CCP110: variants seen among roughly 807,000 people sequenced by gnomAD.
CCP110 encodes the protein centriolar coiled-coil protein 110, also known as centriolar coiled-coil protein of 110 kDa.
A neutral mutation model predicts 105.5 loss-of-function variants in CCP110; 43 were observed. That is an observed-to-expected ratio of 0.41 (90% confidence interval 0.32 to 0.53). The LOEUF is 0.53. CCP110 is among the 20% of genes least tolerant of loss of function. CCP110 has a pLI of 0.32. For synonymous variants in CCP110, 353 were observed against 392.1 expected (o/e 0.90, Z 1.18); for missense variants, 1,016 against 1,189.1 (o/e 0.85, Z 2.14).
intron 14 of CCP110, among the ~76,000 whole-genome samples, chr16:19,549,995 G>A (rs1970582027): frequency 6.6e-6 from 1 of 152,122 alleles, no homozygotes; most frequent in South Asian, 2.1e-4. Flanking sequence ...GAACTATTGA[G>A]GTTAAATTGC....
In CCP110 at chr16:19,537,483, C is replaced by T. The variant is rs779238031; in HGVS notation, c.1814C>T (p.Thr605Ile). ...AAAGAAAACTGCCCTTATGTCATAA[C>T]AAGTGGAATAACTGAACAAGAAAGG... The change falls in exon 4 of 15, where the codon ACA becomes ATA. Residue 605 changes from threonine (T) to isoleucine (I), a missense_variant. Physicochemically the swap from Thr to Ile is moderately conservative, Grantham distance 89. Coordinates refer to ENST00000381396, the Ensembl canonical transcript of CCP110. 1.9e-6 allele frequency: 3 copies of T among 1,611,470 alleles called. No homozygotes were observed. Among genetic ancestry groups the T allele is most frequent in the Non-Finnish European group, 2.5e-6 (3 of 1,178,104 alleles).
rs772411954 is a variant in CCP110, at chr16:19,548,504, T to C, written c.2901-11T>C. The C allele has an allele frequency of 1.0e-5, 15 of 1,505,292 alleles. No homozygotes were observed. In the South Asian group the frequency reaches 1.8e-4, roughly 18 times the overall value. 93.2% of individuals were successfully genotyped at this position (1,505,292 alleles called of 1,614,324 possible). A position where few individuals can be genotyped will look rare whatever the true frequency, so the allele number is the denominator to read the frequency against. ...TGCCAGTGACTTATTAATTTTTTTA[T>C]ATTCAATTAGAACCCCTAAGACATC... is the stretch of plus-strand genomic sequence containing the variant. On this transcript the variant is annotated splice_polypyrimidine_tract_variant and intron_variant, in intron 13 of 14. Transcript: ENST00000381396. The surrounding 1 kb of genome is among the most constrained non-coding windows in gnomAD (Gnocchi z 4.1).
intron 2 of CCP110, among the ~76,000 whole-genome samples, chr16:19,530,167 A>C (rs1279805629): frequency 6.6e-6 from 1 of 152,118 alleles, no homozygotes; most frequent in Non-Finnish European, 1.5e-5. Context: ...ACTGCACTCC[A>C]ACCTGGGTGA....
Position 19,548,313 on chromosome 16 carries a change from C to T in CCP110, c.2901-202C>T. 1.7e-6 allele frequency: 1 copy of T among 580,466 alleles called. No individual in the cohort carries two copies. Among genetic ancestry groups the T allele is most frequent in the Non-Finnish European group, 3.0e-6 (1 of 330,110 alleles). The allele number at this position is 580,466 out of a possible 1,614,324, so 36.0% of individuals were successfully genotyped here. A position where few individuals can be genotyped will look rare whatever the true frequency, so the allele number is the denominator to read the frequency against. ...TAAATTCAGCATCACCGAAGTGATT[C>T]TCCAACAGAGTATGACTCGTGCTTA... On this transcript the variant is annotated intron_variant, in intron 13 of 14. Transcript: ENST00000381396. This position sits in a 1 kb window ranked among gnomAD's most constrained non-coding sequence, Gnocchi z 4.1.
intron 11 of CCP110, 175 bp from the exon 12 acceptor site, chr16:19,546,237 T>A: frequency 1.9e-6 from 1 of 526,508 alleles, no homozygotes; most frequent in South Asian, 3.1e-5. Flanking sequence ...TCTTAATAAC[T>A]TTTTTAAAAA....
exon 15 of CCP110, chr16:19,552,816 T>C (rs1970684268): frequency 1.3e-5 from 2 of 152,202 alleles, no homozygotes; most frequent in South Asian, 2.1e-4. Flanking sequence ...CATCCAGCTA[T>C]AGACAGAAAT....
chr16:19,536,676 A>G, exon 4 of CCP110: 1 of 1,614,202 alleles, frequency 6.2e-7, no homozygotes, highest in South Asian at 1.1e-5. Flanking sequence ...ACTGTTCTAG[A>G]GTCTAATTCT....
At chr16:19,537,709 T>G (rs1427768400) in intron 4 of CCP110, 122 bp downstream of exon 4, 1 of 590,374 alleles carries the variant, frequency 1.7e-6, no homozygotes, top group Non-Finnish European at 3.0e-6. Context: ...TTATTTATCT[T>G]ATTAGAAAGC....
At chr16:19,542,109 G>A (rs762987969) in intron 6 of CCP110, 45 bp downstream of exon 6, 38 of 1,300,416 alleles carry the variant, frequency 2.9e-5, no homozygotes, top group East Asian at 2.4e-5. Flanking sequence ...GTGATCCTAC[G>A]GTAAGATATT....
At chr16:19,546,009 T>C in intron 11 of CCP110, 119 bp downstream of exon 11, 1 of 624,050 alleles carries the variant, frequency 1.6e-6, no homozygotes, top group Admixed American at 2.8e-5. Context: ...GTTGAGCTGA[T>C]AGAAATCCCC....
At chr16:19,527,347 A>G (rs1969707991) in intron 1 of CCP110, among the ~76,000 whole-genome samples, 1 of 147,538 alleles carries the variant, frequency 6.8e-6, no homozygotes, top group Non-Finnish European at 1.5e-5. Flanking sequence ...TGGGCAACAT[A>G]GTGAGACCTT....
chr16:19,538,151 C>T (rs767144604), intron 4 of CCP110, among the ~76,000 whole-genome samples: 4 of 151,486 alleles, frequency 2.6e-5, no homozygotes, highest in Non-Finnish European at 4.4e-5. Flanking sequence ...CTCCACCTCC[C>T]GGTTCAGGCA....
At chr16:19,544,629 C>A (rs1441714315) in intron 8 of CCP110, among the ~76,000 whole-genome samples, 168 bp from the exon 9 acceptor site, 1 of 152,174 alleles carries the variant, frequency 6.6e-6, no homozygotes, top group Non-Finnish European at 1.5e-5. Flanking sequence ...ATATAAGGGA[C>A]TCCAGCATCC....
intron 2 of CCP110, 53 bp downstream of exon 2, chr16:19,528,075 A>G: frequency 6.9e-7 from 1 of 1,446,874 alleles, no homozygotes; most frequent in Non-Finnish European, 9.4e-7. Flanking sequence ...CAACTAAAAC[A>G]GTTCGTGGAA....
chr16:19,542,528 T>TA (rs1970322689), intron 6 of CCP110, 93 bp from the exon 7 acceptor site: 8 of 945,266 alleles, frequency 8.5e-6, no homozygotes, highest in Non-Finnish European at 1.3e-5. Flanking sequence ...AGGCAGTTGT[T>TA]ATTCTTAATG....
chr16:19,543,840 G>A (rs756278039), intron 8 of CCP110, among the ~76,000 whole-genome samples: 4 of 151,972 alleles, frequency 2.6e-5, no homozygotes, highest in Admixed American at 6.6e-5. Context: ...ATTTGTGGTC[G>A]GACCAGTTCT....
intron 11 of CCP110, 28 bp downstream of exon 11, chr16:19,545,918 GT>G: frequency 7.9e-7 from 1 of 1,259,306 alleles, no homozygotes; most frequent in Non-Finnish European, 1.2e-6. Context: ...TGTCATGTTA[GT>G]TATCAAACCA....
chr16:19,528,132 G>A, intron 2 of CCP110, 110 bp downstream of exon 2: 1 of 856,290 alleles, frequency 1.2e-6, no homozygotes, highest in Non-Finnish European at 1.7e-6. Context: ...CCCTCATTCA[G>A]AATTAGAGAA....
intron 4 of CCP110, among the ~76,000 whole-genome samples, chr16:19,538,152 G>T (rs749884802): frequency 3.3e-5 from 5 of 151,792 alleles, no homozygotes; most frequent in Non-Finnish European, 7.4e-5. Flanking sequence ...TCCACCTCCC[G>T]GTTCAGGCAA....
Sources: gnomAD v4.1 joint callset for allele counts (sites outside exome capture counted in the v4.1 genomes callset) on GRCh38, gnomAD v4.1.1 for gene constraint, Gnocchi (gnomAD v3.1) non-coding constraint, MANE v1.5 for transcripts, NCBI Gene and HGNC (gene_info 2026-07-23, HGNC 2026-07-21) for gene names.